The following ACOT7 variants were observed in gnomAD, a reference collection of about 807,000 sequenced individuals.
The protein encoded by ACOT7 is cytosolic acyl coenzyme A thioester hydrolase.
In ACOT7, 12 loss-of-function variants were observed where a neutral mutation model predicts 40.2. That is an observed-to-expected ratio of 0.30 (90% confidence interval 0.19 to 0.48). ACOT7 has a LOEUF of 0.48. Ranked by LOEUF, ACOT7 falls within the 20% of genes least tolerant of loss-of-function variation. The pLI, the probability that ACOT7 is intolerant of heterozygous loss-of-function variation, is 0.99. For missense variants in ACOT7, 395 were observed against 530.8 expected (o/e 0.74, Z 2.51); for synonymous variants, 228 against 219.5 (o/e 1.04, Z -0.34).
chr1:6,291,367 GC>G (rs1639658582), intron 7 of ACOT7, among the ~76,000 whole-genome samples: 1 of 152,024 alleles, frequency 6.6e-6, no homozygotes, highest in Non-Finnish European at 1.5e-5. Flanking sequence ...GCAGCCACAA[GC>G]CAAGAAACGT....
chr1:6,360,696 C>T, intron 1 of ACOT7: 1 of 1,613,780 alleles, frequency 6.2e-7, no homozygotes, highest in Non-Finnish European at 8.5e-7. Context: ...AAGCTGCAGC[C>T]AAATGGAACT....
At chr1:6,366,658 A>AC (rs1642018321) in intron 1 of ACOT7, among the ~76,000 whole-genome samples, 1 of 150,294 alleles carries the variant, frequency 6.7e-6, no homozygotes. Context: ...AGTAGAACTT[A>AC]CTTTTTTTTT....
chr1:6,344,780 A>AG (rs1641373600), intron 2 of ACOT7, among the ~76,000 whole-genome samples: 1 of 151,092 alleles, frequency 6.6e-6, no homozygotes, highest in East Asian at 1.9e-4. Context: ...AAAAAAAAAA[A>AG]AAAAAAAAAA....
intron 1 of ACOT7, among the ~76,000 whole-genome samples, chr1:6,378,241 G>A (rs1008954844): frequency 6.7e-6 from 1 of 150,148 alleles, no homozygotes; most frequent in Non-Finnish European, 1.5e-5. Flanking sequence ...GTCGGGAGGG[G>A]AGGGAGGGAG....
chr1:6,281,374 C>T (rs1639355904), intron 7 of ACOT7, 88 bp from the exon 8 acceptor site: 3 of 1,224,254 alleles, frequency 2.5e-6, no homozygotes, highest in Non-Finnish European at 3.6e-6. Flanking sequence ...AGCAGGCAGA[C>T]ACTTGGTTAG....
At chr1:6,365,803 A>AACAATC (rs1641998620) in intron 1 of ACOT7, among the ~76,000 whole-genome samples, 2 of 152,080 alleles carry the variant, frequency 1.3e-5, no homozygotes, top group African/African-American at 4.8e-5. Flanking sequence ...AAAAAATGCT[A>AACAATC]ACAATCATCT....
At position 6,288,191 on chromosome 1, in the gene ACOT7, CT is replaced by C; in HGVS notation, c.829+6672del. Among the ~76,000 whole-genome samples, 2 of 152,372 alleles carry C rather than the reference CT, an allele frequency of 1.3e-5. No individual in the cohort carries two copies. The highest frequency in any genetic ancestry group is 6.8e-3 in the Middle Eastern group (2 of 294). On this transcript the variant is annotated intron_variant, in intron 7 of 8. Coordinates refer to ENST00000361521, the MANE Select transcript of ACOT7 (RefSeq NM_007274.4). The surrounding 1 kb of genome is among the most constrained non-coding windows in gnomAD (Gnocchi z 4.3). ...GCTACCGGGCTCCACGTGCCTTCCC[CT>C]GTGCTGGTCCCCTGGGTGCGGGCTC...
At chr1:6,319,456 G>T (rs1356059814) in intron 5 of ACOT7, among the ~76,000 whole-genome samples, 2 of 152,202 alleles carry the variant, frequency 1.3e-5, no homozygotes, top group Non-Finnish European at 2.9e-5. Context: ...GCCTCCCAAA[G>T]TGTTAGGATT....
intron 1 of ACOT7, chr1:6,360,555 C>G: frequency 1.2e-6 from 2 of 1,614,072 alleles, no homozygotes; most frequent in Non-Finnish European, 1.7e-6. Flanking sequence ...TAGTTCCTCT[C>G]AGCTCCCAAC....
chr1:6,294,854 G>A lies in ACOT7; in HGVS notation c.829+10C>T, dbSNP rs752950129. On this transcript the variant is annotated intron_variant, in intron 7 of 8. Transcript: ENST00000361521. This position sits in a 1 kb window ranked among gnomAD's most constrained non-coding sequence, Gnocchi z 4.6. ...ACTGCCTCCCTCGTCTTTGCCAGAA[G>A]AGTGGTTACCTTTTCTGATCTTGTC... 21 of 1,611,076 alleles carry A rather than the reference G, an allele frequency of 1.3e-5. No individual in the cohort carries two copies. Among genetic ancestry groups the A allele is most frequent in the Admixed American group, 3.3e-5 (2 of 59,986 alleles).
Position 6,358,967 on chromosome 1 carries a change from A to C in ACOT7, c.144-9101T>G, listed in dbSNP as rs1571341316. On this transcript the variant is annotated intron_variant, in intron 1 of 8. Transcript: ENST00000361521. The surrounding 1 kb of genome is among the most constrained non-coding windows in gnomAD (Gnocchi z 4.1). ...TGCCACACCGGGCTTGGTGGGGAGCACCCCCCACCCCCAGCTTCCTGAGCT... is the reference window on the plus strand; with the variant it reads ...TGCCACACCGGGCTTGGTGGGGAGCCCCCCCCACCCCCAGCTTCCTGAGCT... The C allele has an allele frequency of 6.9e-7, 1 of 1,453,458 alleles. No homozygotes were observed. 90.0% of individuals were successfully genotyped at this position (1,453,458 alleles called of 1,614,324 possible).
rs969502335 is a variant in ACOT7, at chr1:6,338,511, C to A, written c.418+922G>T. 6.6e-6 allele frequency among the ~76,000 whole-genome samples: 1 copy of A among 152,222 alleles called. No homozygotes were observed. The highest frequency in any genetic ancestry group is 2.4e-5 in the African/African-American group (1 of 41,452). On this transcript the variant is annotated intron_variant, in intron 3 of 8. Coordinates refer to ENST00000361521, the MANE Select transcript of ACOT7 (RefSeq NM_007274.4). This position sits in a 1 kb window ranked among gnomAD's most constrained non-coding sequence, Gnocchi z 4.4. ...GACCACCTTCCACCCCAGGCCCTTG[C>A]TCAGCTCCATCTGCCCACCTGCCGG...
intron 6 of ACOT7, among the ~76,000 whole-genome samples, chr1:6,307,675 A>G (rs1158655956): frequency 6.7e-6 from 1 of 150,270 alleles, no homozygotes; most frequent in East Asian, 2.0e-4. Context: ...CAGTAACAGG[A>G]GGAGGGGACA....
At chr1:6,388,893 T>C (rs1341022804) in intron 1 of ACOT7, among the ~76,000 whole-genome samples, 1 of 151,152 alleles carries the variant, frequency 6.6e-6, no homozygotes, top group Non-Finnish European at 1.5e-5. Context: ...AAAAAAAAAT[T>C]AGCCGGGTGT....
chr1:6,281,685 A>G (rs1557630065), intron 7 of ACOT7, among the ~76,000 whole-genome samples: 3 of 152,284 alleles, frequency 2.0e-5, no homozygotes, highest in South Asian at 4.2e-4. Flanking sequence ...GTCAGGGCCA[A>G]ATCTGCAAAC....
intron 5 of ACOT7, among the ~76,000 whole-genome samples, chr1:6,324,414 C>T (rs1640743290): frequency 6.6e-6 from 1 of 152,172 alleles, no homozygotes; most frequent in Admixed American, 6.5e-5. Context: ...CAGTGAATAA[C>T]ACATTCTGAA....
intron 7 of ACOT7, among the ~76,000 whole-genome samples, chr1:6,293,220 A>G (rs1037106339): frequency 3.0e-4 from 46 of 152,194 alleles, no homozygotes; most frequent in African/African-American, 1.1e-3. Context: ...ATGGTTCTCC[A>G]AGGACACTCA....
At chr1:6,319,854 C>T (rs1640594522) in intron 5 of ACOT7, among the ~76,000 whole-genome samples, 1 of 152,234 alleles carries the variant, frequency 6.6e-6, no homozygotes, top group Admixed American at 6.5e-5. Flanking sequence ...CAGGAAGATC[C>T]GCCCTGAGCC....
chr1:6,343,638 G>C (rs538920714), intron 2 of ACOT7, among the ~76,000 whole-genome samples: 55 of 152,408 alleles, frequency 3.6e-4, no homozygotes, highest in African/African-American at 1.3e-3. Flanking sequence ...TGTTAGGGCA[G>C]GGCTGCACAG....
Sources: allele counts gnomAD v4.1 joint callset (sites outside exome capture counted in the v4.1 genomes callset), GRCh38; gene constraint gnomAD v4.1.1; non-coding constraint Gnocchi (gnomAD v3.1); transcripts MANE v1.5; gene names NCBI Gene and HGNC (gene_info 2026-07-23, HGNC 2026-07-21).